The following NCOA6 variants were observed in gnomAD, a reference collection of about 807,000 sequenced individuals.
NCOA6 encodes NRC RAP250.
A neutral mutation model predicts 171.4 loss-of-function variants in NCOA6; 49 were observed. That is an observed-to-expected ratio of 0.29 (90% CI 0.23 to 0.36). NCOA6 has a LOEUF of 0.36. Among genes scored for constraint, NCOA6 ranks in the 10% least tolerant of loss-of-function variants. The pLI is 1.00. For synonymous variants in NCOA6, 910 were observed against 927.5 expected, an observed-to-expected ratio of 0.98 and a Z score of 0.34; for missense variants, 2,248 against 2,554.5, an observed-to-expected ratio of 0.88 and a Z score of 2.59.
intron 1 of NCOA6, among the ~76,000 whole-genome samples, chr20:34,808,632 T>C (rs2078544078): frequency 6.6e-6 from 1 of 152,054 alleles, no homozygotes; most frequent in Admixed American, 6.6e-5. Flanking sequence ...GAGACAGGGC[T>C]TCTCTATGTT....
chr20:34,734,564 T>G (rs952827338), intron 12 of NCOA6, among the ~76,000 whole-genome samples: 2 of 152,126 alleles, frequency 1.3e-5, no homozygotes, highest in Admixed American at 6.5e-5. Context: ...CAAGGTAGTC[T>G]TGAACCCCTC....
chr20:34,785,250 A>G (rs1050669805), intron 2 of NCOA6, among the ~76,000 whole-genome samples: 1 of 152,056 alleles, frequency 6.6e-6, no homozygotes, highest in Non-Finnish European at 1.5e-5. Context: ...TGTTCTGGCA[A>G]TTATATCCTT....
chr20:34,716,519 C>T (rs1047613313), intron 14 of NCOA6, among the ~76,000 whole-genome samples: 30 of 152,146 alleles, frequency 2.0e-4, no homozygotes, highest in Admixed American at 6.5e-5. Context: ...GGAAGACTGA[C>T]GCAGGAAGCT....
At chr20:34,794,879 T>A (rs1469404410) in intron 1 of NCOA6, among the ~76,000 whole-genome samples, 1 of 152,090 alleles carries the variant, frequency 6.6e-6, no homozygotes, top group African/African-American at 2.4e-5. Context: ...ATTGATATCA[T>A]GAATAAGAAT....
intron 2 of NCOA6, among the ~76,000 whole-genome samples, chr20:34,787,751 T>C (rs1053229848): frequency 6.6e-6 from 1 of 152,114 alleles, no homozygotes; most frequent in African/African-American, 2.4e-5. Context: ...AGAAAACAGC[T>C]CTATTGAAGC....
In NCOA6 at chr20:34,746,385, G is replaced by A. The variant is rs556233440; in HGVS notation, c.2914+422C>T. Among the ~76,000 whole-genome samples, 106 of 151,954 alleles carry A rather than the reference G, an allele frequency of 7.0e-4. 1 individual carries two copies. The highest frequency in any genetic ancestry group is 3.4e-3 in the Middle Eastern group (1 of 294). ...CTCCTGAGTAGCTGGGACTATAGGTGCGTGTCACCACACCTGGCTAATTTT... is the reference window on the plus strand; with the variant it reads ...CTCCTGAGTAGCTGGGACTATAGGTACGTGTCACCACACCTGGCTAATTTT... On this transcript the variant is annotated intron_variant, in intron 10 of 14. Coordinates refer to ENST00000359003, the MANE Select transcript of NCOA6 (RefSeq NM_014071.5).
At position 34,740,451 on chromosome 20, in the gene NCOA6, G is replaced by A. The variant is rs748698922; in HGVS notation, c.5805C>T (p.Ser1935=). The part of the protein sequence containing the change: ...ELISAVPTTK[S]NHGGIASESL... The stretch of plus-strand genomic sequence containing the variant: ...ACTCAGATGCTATGCCACCATGATT[G>A]CTTTTTGTGGTCGGTACGGCGGAGA... Residue 1935 remains serine (S), a synonymous_variant, in exon 11 of 15, where the codon AGC becomes AGT. Coordinates refer to ENST00000359003, the MANE Select transcript of NCOA6 (RefSeq NM_014071.5). The A allele has an allele frequency of 3.7e-6, 6 of 1,614,080 alleles. No individual in the cohort carries two copies. The East Asian group carries it at 8.9e-5, about 24-fold the overall frequency.
intron 12 of NCOA6, among the ~76,000 whole-genome samples, chr20:34,735,999 C>T (rs1216097777): frequency 6.6e-6 from 1 of 151,862 alleles, no homozygotes; most frequent in East Asian, 1.9e-4. Context: ...CGAAACTAAA[C>T]TGTACCATAT....
At chr20:34,738,893 G>T in intron 11 of NCOA6, 1 of 455,910 alleles carries the variant, frequency 2.2e-6, no homozygotes, top group Non-Finnish European at 4.4e-6. Flanking sequence ...TCTCCTCCTG[G>T]GTGCTTACCA....
chr20:34,787,316 G>A (rs1311908043), intron 2 of NCOA6, among the ~76,000 whole-genome samples: 1 of 151,818 alleles, frequency 6.6e-6, no homozygotes, highest in African/African-American at 2.4e-5. Context: ...TTGAGCCCAG[G>A]ATTTTGAGAC....
chr20:34,793,316 G>A (rs2077955859), intron 1 of NCOA6, among the ~76,000 whole-genome samples: 1 of 151,990 alleles, frequency 6.6e-6, no homozygotes, highest in Non-Finnish European at 1.5e-5. Context: ...TACAAGACCC[G>A]CTTTTCTAAC....
chr20:34,767,501 G>C (rs1245786229), intron 5 of NCOA6, among the ~76,000 whole-genome samples: 1 of 152,018 alleles, frequency 6.6e-6, no homozygotes, highest in African/African-American at 2.4e-5. Context: ...TCACCATCTT[G>C]GCCAGGCTGG....
At chr20:34,809,768 A>AC (rs2078591011) in intron 1 of NCOA6, among the ~76,000 whole-genome samples, 1 of 152,166 alleles carries the variant, frequency 6.6e-6, no homozygotes, top group Non-Finnish European at 1.5e-5. Flanking sequence ...GGAGTTCGAA[A>AC]CCAACCTGAC....
intron 5 of NCOA6, among the ~76,000 whole-genome samples, 188 bp from the exon 6 acceptor site, chr20:34,759,121 G>C (rs1414478876): frequency 6.6e-6 from 1 of 151,660 alleles, no homozygotes; most frequent in African/African-American, 2.4e-5. Context: ...CCGGGCCCAA[G>C]TGATCCTTCT....
chr20:34,732,508 A>G (rs1188010390), intron 13 of NCOA6, 51 bp downstream of exon 13: 1 of 1,568,326 alleles, frequency 6.4e-7, no homozygotes, highest in Admixed American at 1.7e-5. Context: ...GATACCTTTC[A>G]AAGAGGCTTA....
At chr20:34,754,579 T>C in intron 8 of NCOA6, 143 bp downstream of exon 8, 1 of 965,656 alleles carries the variant, frequency 1.0e-6, no homozygotes, top group Non-Finnish European at 1.5e-6. Context: ...CAAAAGTTAC[T>C]GCCCTGAAAG....
Position 34,742,845 on chromosome 20 carries a change from G to A in NCOA6, c.3411C>T (p.Gly1137=), listed in dbSNP as rs1486277354. The part of the protein sequence containing the change: ...AEMASLPEAS[G]SEAPSVPGGP... ...CTCCTGGGACAGATGGTGCTTCACT[G>A]CCACTTGCTTCAGGGAGTGAGGCCA... The change falls in exon 11 of 15, where the codon GGC becomes GGT. Residue 1137 remains glycine, a synonymous_variant. Coordinates refer to ENST00000359003, the MANE Select transcript of NCOA6 (RefSeq NM_014071.5). 1.2e-6 allele frequency: 2 copies of A among 1,614,196 alleles called. No individual in the cohort carries two copies. Among genetic ancestry groups the A allele is most frequent in the Non-Finnish European group, 1.7e-6 (2 of 1,180,010 alleles).
At chr20:34,744,816 C>G (rs1477680883) in intron 10 of NCOA6, among the ~76,000 whole-genome samples, 1 of 152,188 alleles carries the variant, frequency 6.6e-6, no homozygotes, top group Non-Finnish European at 1.5e-5. Flanking sequence ...GGGGTTCCCA[C>G]ATTAAGAAAT....
intron 14 of NCOA6, among the ~76,000 whole-genome samples, chr20:34,718,400 G>GT (rs1568697923): frequency 6.6e-6 from 1 of 151,158 alleles, no homozygotes; most frequent in African/African-American, 2.4e-5. Flanking sequence ...CTTTTGATGA[G>GT]TTTTTTTGTT....
Sources: allele counts gnomAD v4.1 joint callset (sites outside exome capture counted in the v4.1 genomes callset), GRCh38; gene constraint gnomAD v4.1.1; transcripts MANE v1.5; gene names NCBI Gene and HGNC (gene_info 2026-07-23, HGNC 2026-07-21).